TRAF3IP3: variants seen among roughly 807,000 people sequenced by gnomAD.
TRAF3IP3 encodes TRAF3 interacting protein 3.
TRAF3IP3 carries 64 observed loss-of-function variants against 86.5 expected under a neutral mutation model. The observed-to-expected ratio is 0.74, with a 90% CI of 0.60 to 0.91. The LOEUF is 0.91. Ranked by LOEUF, TRAF3IP3 falls within the 40% of genes least tolerant of loss-of-function variation. TRAF3IP3 has a pLI of 0.00. For missense variants in TRAF3IP3, 579 were observed against 642.9 expected, an observed-to-expected ratio of 0.90 and a Z score of 1.07; for synonymous variants, 220 against 243.9, an observed-to-expected ratio of 0.90 and a Z score of 0.91.
chr1:209,763,702 G>A, intron 8 of TRAF3IP3, 115 bp downstream of exon 8: 4 of 862,738 alleles, frequency 4.6e-6, no homozygotes, highest in Non-Finnish European at 5.5e-6. Flanking sequence ...TGAAAAGTAA[G>A]CTGGGAAGAG....
chr1:209,773,943 G>C (rs1347332656), intron 9 of TRAF3IP3, among the ~76,000 whole-genome samples: 2 of 152,190 alleles, frequency 1.3e-5, no homozygotes, highest in African/African-American at 4.8e-5. Context: ...CCTCAACCAG[G>C]TTAATTCCTG....
intron 6 of TRAF3IP3, 79 bp downstream of exon 6, chr1:209,763,171 G>T: frequency 6.5e-7 from 1 of 1,535,548 alleles, no homozygotes. Flanking sequence ...GATAAACTTG[G>T]CTGGGATGGA....
chr1:209,757,663 G>T (rs1002451665), intron 1 of TRAF3IP3, among the ~76,000 whole-genome samples: 8 of 152,166 alleles, frequency 5.3e-5, no homozygotes, highest in African/African-American at 1.9e-4. Flanking sequence ...AGGCATTCTT[G>T]GTCCTAGAAG....
At chr1:209,769,119 G>A (rs1346441394) in intron 8 of TRAF3IP3, among the ~76,000 whole-genome samples, 6 of 152,314 alleles carry the variant, frequency 3.9e-5, no homozygotes, top group South Asian at 2.1e-4. Context: ...AGGAGACTGG[G>A]AAAATTTTAA....
At chr1:209,767,751 T>A (rs973718453) in intron 8 of TRAF3IP3, among the ~76,000 whole-genome samples, 1 of 150,884 alleles carries the variant, frequency 6.6e-6, no homozygotes, top group Admixed American at 6.6e-5. Flanking sequence ...CAAGCAGGGG[T>A]TGGGGGAGTT....
intron 8 of TRAF3IP3, among the ~76,000 whole-genome samples, chr1:209,771,119 AGT>A (rs1253514837): frequency 3.7e-5 from 3 of 81,194 alleles, no homozygotes; most frequent in Non-Finnish European, 7.1e-5. Context: ...TGCATGTGGA[AGT>A]GTGCGTGTGC....
At chr1:209,771,034 T>C (rs1410968647) in intron 8 of TRAF3IP3, among the ~76,000 whole-genome samples, 1 of 61,464 alleles carries the variant, frequency 1.6e-5, no homozygotes, top group African/African-American at 6.9e-5. Flanking sequence ...GTGTGTGTGC[T>C]CAGGTGGAAG....
intron 8 of TRAF3IP3, among the ~76,000 whole-genome samples, chr1:209,771,225 A>G (rs897253166): frequency 7.6e-6 from 1 of 132,396 alleles, no homozygotes; most frequent in Non-Finnish European, 1.6e-5. Context: ...GTGTGTGTGC[A>G]TGTGAAGGTA....
chr1:209,772,879 A>G (rs1001974586), intron 8 of TRAF3IP3, 69 bp from the exon 9 acceptor site: 4 of 1,350,110 alleles, frequency 3.0e-6, no homozygotes, highest in Non-Finnish European at 4.2e-6. Flanking sequence ...GTAGAATAGG[A>G]ATATAGAGTC....
chr1:209,778,241 C>T, intron 13 of TRAF3IP3, 68 bp downstream of exon 13: 1 of 1,363,412 alleles, frequency 7.3e-7, no homozygotes, highest in South Asian at 1.2e-5. Flanking sequence ...CAAAAGGCAC[C>T]CAGAGTAGGG....
chr1:209,770,795 A>C (rs1457513890), intron 8 of TRAF3IP3, among the ~76,000 whole-genome samples: 5 of 111,786 alleles, frequency 4.5e-5, no homozygotes, highest in South Asian at 3.2e-4. Flanking sequence ...GTGTGTGTGC[A>C]TATGGAGGTG....
intron 8 of TRAF3IP3, among the ~76,000 whole-genome samples, chr1:209,769,068 C>T (rs2077412823): frequency 6.6e-6 from 1 of 152,150 alleles, no homozygotes; most frequent in African/African-American, 2.4e-5. Context: ...GGATTAAAGC[C>T]ATACTATGGA....
In TRAF3IP3 at chr1:209,777,352, G is replaced by A. The variant is rs2077678296; in HGVS notation, c.1054G>A (p.Gly352Arg). Residue 352 changes from glycine (G) to arginine (R), a missense_variant and splice_region_variant, in exon 12 of 17, where the codon GGA becomes AGA. Physicochemically the swap from Gly to Arg is moderately radical, Grantham distance 125. Transcript: ENST00000367025. ...TATTGGCCCTTCCTCCTCCTTACAG[G>A]GAGCAGATAGCAGGGACTTACAGAT... ...QLHVLQSKLQGADSRDLQMNQ... is the reference protein window; with the variant it reads ...QLHVLQSKLQRADSRDLQMNQ... 1 of 1,613,244 alleles carries A rather than the reference G, an allele frequency of 6.2e-7. No individual in the cohort carries two copies.
chr1:209,763,788 G>A lies in TRAF3IP3; in HGVS notation c.702+201G>A, dbSNP rs558046946. Among the ~76,000 whole-genome samples, 3 of 152,270 alleles carry A rather than the reference G, an allele frequency of 2.0e-5. No homozygotes were observed. The East Asian group carries it at 5.8e-4, about 29-fold the overall frequency. On this transcript the variant is annotated intron_variant, in intron 8 of 16. Coordinates refer to ENST00000367025, the MANE Select transcript of TRAF3IP3 (RefSeq NM_025228.4). ...ATAAATATATGGGTCATCACCTGAG[G>A]GTCATGGTGCTACATATCCAAGGAA...
At chr1:209,765,185 G>C (rs1464857526) in intron 8 of TRAF3IP3, among the ~76,000 whole-genome samples, 2 of 30,304 alleles carry the variant, frequency 6.6e-5, no homozygotes, top group African/African-American at 6.2e-4. Flanking sequence ...ACAGGAGAGA[G>C]AGAGAGAGAG....
intron 12 of TRAF3IP3, 81 bp from the exon 13 acceptor site, chr1:209,778,030 C>A: frequency 8.3e-7 from 1 of 1,204,324 alleles, no homozygotes; most frequent in Non-Finnish European, 1.2e-6. Context: ...AAGACAGCAT[C>A]TATTACTAAT....
At position 209,775,444 on chromosome 1, in the gene TRAF3IP3, G is replaced by A; in HGVS notation, c.870G>A (p.Val290=). 6.2e-7 allele frequency: 1 copy of A among 1,614,236 alleles called. No individual in the cohort carries two copies. The highest frequency in any genetic ancestry group is 1.1e-5 in the South Asian group (1 of 91,088). The change falls in exon 10 of 17, where the codon GTG becomes GTA. Residue 290 remains valine, a synonymous_variant. Transcript: ENST00000367025. The stretch of plus-strand genomic sequence containing the variant: ...AGGCCAAGGAGTCACTGCAGAAAGT[G>A]CTGGAGGAGAAAATGAATGCAGAGC... ...EQKAKESLQK[V]LEEKMNAEQQ... is the part of the protein sequence containing the mutation.
chr1:209,778,211 T>C, intron 13 of TRAF3IP3, 38 bp downstream of exon 13: 2 of 1,594,218 alleles, frequency 1.3e-6, no homozygotes, highest in Non-Finnish European at 1.7e-6. Context: ...TCCACAGGGT[T>C]TTCCTGGGGT....
chr1:209,760,519 G>A (rs1246743221), intron 3 of TRAF3IP3, 135 bp downstream of exon 3: 2 of 743,838 alleles, frequency 2.7e-6, no homozygotes, highest in Non-Finnish European at 4.3e-6. Context: ...AAGTTGCCAA[G>A]AGCTACTTAT....
Sources: allele counts gnomAD v4.1 joint callset (sites outside exome capture counted in the v4.1 genomes callset), GRCh38; gene constraint gnomAD v4.1.1; transcripts MANE v1.5; gene names NCBI Gene and HGNC (gene_info 2026-07-23, HGNC 2026-07-21).